LRRK1: variants seen among roughly 807,000 people sequenced by gnomAD.
The protein encoded by LRRK1 is leucine rich repeat kinase 1.
Under a neutral mutation model 209.1 loss-of-function variants are expected in LRRK1, and 113 were observed. The observed-to-expected ratio is 0.54, with a 90% CI of 0.46 to 0.63. LRRK1 has a LOEUF of 0.63. Among genes scored for constraint, LRRK1 ranks in the 30% least tolerant of loss-of-function variants. The probability of loss-of-function intolerance (pLI) is 0.00; values close to 1 mark genes in which losing one functional copy is unlikely to be tolerated. For synonymous variants in LRRK1, 1,144 were observed against 1,099.7 expected (o/e 1.04, Z -0.80); for missense variants, 2,284 against 2,632.2 (o/e 0.87, Z 2.89).
chr15:100,963,503 T>TCC (rs2030225071), intron 2 of LRRK1, among the ~76,000 whole-genome samples: 1 of 152,188 alleles, frequency 6.6e-6, no homozygotes, highest in African/African-American at 2.4e-5. Context: ...GTGAGTCCAG[T>TCC]CCCCAGGCCT....
Position 100,988,723 on chromosome 15 carries a change from A to C in LRRK1, c.523A>C (p.Thr175Pro). 1 of 1,614,138 alleles carries C rather than the reference A, an allele frequency of 6.2e-7. No individual in the cohort carries two copies. The highest frequency in any genetic ancestry group is 8.5e-7 in the Non-Finnish European group (1 of 1,180,012). The change falls in exon 5 of 34, where the codon ACG becomes CCG. Residue 175 changes from threonine to proline, a missense_variant. Around this residue, in one of 6 missense-constraint regions of LRRK1, gnomAD observed 134 missense variants for 191.7 expected, o/e 0.70. Coordinates refer to ENST00000388948, the MANE Select transcript of LRRK1 (RefSeq NM_024652.6). ...HLGVVKLLVLTHGADPESYAV... is the reference protein window; with the variant it reads ...HLGVVKLLVLPHGADPESYAV... ...GGGGGTTGTGAAGCTCCTGGTCCTG[A>C]CGCACGGGGCTGACCCGGAGAGCTA...
Position 101,014,439 on chromosome 15 carries a change from G to T in LRRK1, c.1532+11G>T. 1 of 1,577,096 alleles carries T rather than the reference G, an allele frequency of 6.3e-7. No homozygotes were observed. The highest frequency in any genetic ancestry group is 8.7e-7 in the Non-Finnish European group (1 of 1,146,406). On this transcript the variant is annotated intron_variant, in intron 11 of 33. Transcript: ENST00000388948. Reference sequence around the variant, plus strand: ...AAACCAACTTGGCAAGTAAGCAGGGGCCTCTCCTCCCTGGCCAGTTCCAAA... The same window carrying T: ...AAACCAACTTGGCAAGTAAGCAGGGTCCTCTCCTCCCTGGCCAGTTCCAAA...
intron 2 of LRRK1, among the ~76,000 whole-genome samples, chr15:100,940,735 C>T (rs1168668222): frequency 2.6e-5 from 4 of 152,198 alleles, no homozygotes; most frequent in Non-Finnish European, 5.9e-5. Context: ...AAAGCTGGAG[C>T]CTGAGATTCT....
rs112543926 is a variant in LRRK1 at position 100,940,676 on chromosome 15, C to T, written c.97+15947C>T. ...GTAATATTTATTCTGAATTCATTCT[C>T]GCTCTGCTAACATTAATTCTGTGTA... On this transcript the variant is annotated intron_variant, in intron 2 of 33. Coordinates refer to ENST00000388948, the MANE Select transcript of LRRK1 (RefSeq NM_024652.6). Among the ~76,000 whole-genome samples, 135 of 152,318 alleles carry T rather than the reference C, an allele frequency of 8.9e-4. 3 individuals are homozygous for T. The highest frequency in any genetic ancestry group is 3.0e-3 in the African/African-American group (124 of 41,568).
chr15:100,973,738 G>T (rs1310432039), intron 2 of LRRK1, 66 bp from the exon 3 acceptor site: 6 of 1,241,370 alleles, frequency 4.8e-6, no homozygotes, highest in South Asian at 3.3e-5. Context: ...TGTGTTCCAC[G>T]GTGATTCTCA....
At chr15:100,958,125 G>A (rs940391614) in intron 2 of LRRK1, among the ~76,000 whole-genome samples, 7 of 152,066 alleles carry the variant, frequency 4.6e-5, no homozygotes, top group African/African-American at 1.4e-4. Context: ...CAAAGTTCTG[G>A]GATTACAGGC....
intron 12 of LRRK1, among the ~76,000 whole-genome samples, chr15:101,018,110 C>T (rs2033622898): frequency 6.9e-6 from 1 of 144,912 alleles, no homozygotes; most frequent in African/African-American, 2.6e-5. Context: ...GAAATATTTG[C>T]AACACAAATT....
chr15:100,925,843 C>T (rs2042100205), intron 2 of LRRK1, among the ~76,000 whole-genome samples: 1 of 152,214 alleles, frequency 6.6e-6, no homozygotes, highest in Non-Finnish European at 1.5e-5. Context: ...TCAGAAATCA[C>T]AGAATTGCCA....
intron 33 of LRRK1, 51 bp downstream of exon 33, chr15:101,066,792 G>A (rs1254120992): frequency 1.4e-6 from 2 of 1,439,706 alleles, no homozygotes; most frequent in African/African-American, 1.4e-5. Context: ...CATGAGCACA[G>A]AAGGCCCTGC....
chr15:100,962,820 T>TATAC (rs1567202910), intron 2 of LRRK1, among the ~76,000 whole-genome samples: 11 of 27,450 alleles, frequency 4.0e-4, no homozygotes, highest in South Asian at 1.1e-3. Flanking sequence ...TATATATATA[T>TATAC]ATATTTTTTT....
chr15:100,938,056 AC>A (rs1365038208), intron 2 of LRRK1, among the ~76,000 whole-genome samples: 1 of 148,770 alleles, frequency 6.7e-6, no homozygotes, highest in Non-Finnish European at 1.5e-5. Context: ...ATGGGGGTTC[AC>A]CATGTTGCCC....
At chr15:100,931,361 A>G (rs1235965985) in intron 2 of LRRK1, among the ~76,000 whole-genome samples, 2 of 152,256 alleles carry the variant, frequency 1.3e-5, no homozygotes, top group Non-Finnish European at 2.9e-5. Context: ...GAGAACAAAA[A>G]TAACTTACGT....
At chr15:101,061,377 G>A in intron 30 of LRRK1, 89 bp downstream of exon 30, 1 of 859,988 alleles carries the variant, frequency 1.2e-6, no homozygotes, top group East Asian at 2.6e-5. Context: ...AAAAATACAG[G>A]ACGCCAGGTC....
intron 3 of LRRK1, chr15:100,974,206 T>A: frequency 2.6e-6 from 1 of 380,918 alleles, no homozygotes; most frequent in Non-Finnish European, 4.6e-6. Context: ...GGGACGGGGG[T>A]GTGGTCACTT....
At chr15:100,937,536 T>TTTTATTTA (rs10640454) in intron 2 of LRRK1, among the ~76,000 whole-genome samples, 1 of 149,568 alleles carries the variant, frequency 6.7e-6, no homozygotes, top group Non-Finnish European at 1.5e-5. Flanking sequence ...TATTATTTTA[T>TTTTATTTA]TTTATTTATT....
chr15:100,935,726 A>G (rs1426636041), intron 2 of LRRK1, among the ~76,000 whole-genome samples: 1 of 152,044 alleles, frequency 6.6e-6, no homozygotes, highest in Non-Finnish European at 1.5e-5. Context: ...GTAACAAACC[A>G]CCCTATCACT....
At chr15:100,959,511 C>T (rs764121785) in intron 2 of LRRK1, among the ~76,000 whole-genome samples, 3 of 152,156 alleles carry the variant, frequency 2.0e-5, no homozygotes, top group Admixed American at 6.5e-5. Flanking sequence ...GCATGGAAAG[C>T]GTAAGGGCTC....
intron 2 of LRRK1, among the ~76,000 whole-genome samples, chr15:100,950,906 A>G (rs145441051): frequency 4.6e-5 from 7 of 152,160 alleles, no homozygotes; most frequent in South Asian, 2.1e-4. Context: ...GATCGAGACC[A>G]TCCTGGCTAA....
chr15:100,944,587 G>A (rs2042502567), intron 2 of LRRK1, among the ~76,000 whole-genome samples: 1 of 152,186 alleles, frequency 6.6e-6, no homozygotes, highest in African/African-American at 2.4e-5. Context: ...CAGCTACGGA[G>A]GACTCCTGAT....
Sources: allele counts gnomAD v4.1 joint callset (sites outside exome capture counted in the v4.1 genomes callset), GRCh38; gene constraint gnomAD v4.1.1; regional missense constraint gnomAD v4.1.1; transcripts MANE v1.5; gene names NCBI Gene and HGNC (gene_info 2026-07-23, HGNC 2026-07-21).